The following PAQR5 variants were observed in gnomAD, a reference collection of about 807,000 sequenced individuals.
The protein encoded by PAQR5 is progestin and adipoQ receptor family member 5.
A neutral mutation model predicts 34.5 loss-of-function variants in PAQR5; 20 were observed. That is an observed-to-expected ratio of 0.58 (90% CI 0.41 to 0.84). The LOEUF is 0.84. Ranked by LOEUF, PAQR5 falls within the 40% of genes least tolerant of loss-of-function variation. The pLI is 0.00. For missense variants in PAQR5, 378 were observed against 412.7 expected, an observed-to-expected ratio of 0.92 and a Z score of 0.73; for synonymous variants, 131 against 155.6, an observed-to-expected ratio of 0.84 and a Z score of 1.18.
intron 1 of PAQR5, among the ~76,000 whole-genome samples, chr15:69,303,817 C>T (rs963548871): frequency 4.6e-5 from 7 of 152,194 alleles, no homozygotes; most frequent in Non-Finnish European, 7.3e-5. Context: ...GTGCTCAGCA[C>T]GCCCCCCACA....
chr15:69,387,631 T>C (rs1405630612), intron 5 of PAQR5, among the ~76,000 whole-genome samples: 1 of 152,176 alleles, frequency 6.6e-6, no homozygotes, highest in Non-Finnish European at 1.5e-5. Context: ...AGTGAGGCAC[T>C]GTGGAGGTAA....
At chr15:69,342,671 G>C (rs1188418264) in intron 2 of PAQR5, among the ~76,000 whole-genome samples, 3 of 152,190 alleles carry the variant, frequency 2.0e-5, no homozygotes, top group Non-Finnish European at 4.4e-5. Context: ...TTCTGGCACA[G>C]TGATGGGATC....
Position 69,403,788 on chromosome 15 carries a change from T to C in PAQR5, c.959T>C (p.Ile320Thr), listed in dbSNP as rs1420831523. Residue 320 changes from isoleucine (I) to threonine (T), a missense_variant, in exon 9 of 9, where the codon ATT (isoleucine) becomes ACT (threonine). Transcript: ENST00000395407. ...IIYFSAALYRIPKPELHKKET is the reference protein window; with the variant it reads ...IIYFSAALYRTPKPELHKKET ...TATTTCTCAGCTGCTCTGTATCGGA[T>C]TCCCAAGCCAGAATTACATAAAAAA... 2 of 1,614,046 alleles carry C rather than the reference T, an allele frequency of 1.2e-6. No homozygotes were observed. The highest frequency in any genetic ancestry group is 1.1e-5 in the South Asian group (1 of 91,088).
chr15:69,338,589 C>T (rs1218009949), intron 2 of PAQR5, among the ~76,000 whole-genome samples: 1 of 152,192 alleles, frequency 6.6e-6, no homozygotes, highest in Non-Finnish European at 1.5e-5. Context: ...CCACAATGTC[C>T]CTTGTCAGCA....
At chr15:69,349,304 T>C (rs1321156615) in intron 2 of PAQR5, among the ~76,000 whole-genome samples, 2 of 152,146 alleles carry the variant, frequency 1.3e-5, no homozygotes, top group Non-Finnish European at 2.9e-5. Context: ...TCCACTTTGC[T>C]TCTAGACCTG....
At chr15:69,346,241 T>C (rs1343241387) in intron 2 of PAQR5, among the ~76,000 whole-genome samples, 1 of 149,444 alleles carries the variant, frequency 6.7e-6, no homozygotes, top group African/African-American at 2.5e-5. Context: ...ATTAAACACA[T>C]AGGAATCAGT....
At chr15:69,310,465 T>C (rs879719499) in intron 1 of PAQR5, among the ~76,000 whole-genome samples, 1 of 152,212 alleles carries the variant, frequency 6.6e-6, no homozygotes, top group Admixed American at 6.5e-5. Flanking sequence ...TTTATTGATA[T>C]AGTTTAACCT....
intron 5 of PAQR5, among the ~76,000 whole-genome samples, chr15:69,387,138 CCTT>C (rs969700626): frequency 6.6e-6 from 1 of 152,234 alleles, no homozygotes; most frequent in Non-Finnish European, 1.5e-5. Flanking sequence ...TTCCACAACA[CCTT>C]CTACCACATC....
At chr15:69,304,338 G>A (rs12440717) in intron 1 of PAQR5, among the ~76,000 whole-genome samples, 12,876 of 152,238 alleles carry the variant, frequency 0.085, 1,040 homozygotes, top group African/African-American at 0.21. Context: ...GCAACATGAC[G>A]TGAGTCAGTT....
At chr15:69,349,629 A>G (rs1017321394) in intron 2 of PAQR5, among the ~76,000 whole-genome samples, 17 of 147,800 alleles carry the variant, frequency 1.2e-4, no homozygotes, top group Non-Finnish European at 1.5e-5. Context: ...GATCTCCCTT[A>G]GTTTATTTTT....
chr15:69,394,544 T>A (rs2056360827), intron 6 of PAQR5, among the ~76,000 whole-genome samples: 2 of 152,262 alleles, frequency 1.3e-5, no homozygotes, highest in African/African-American at 4.8e-5. Context: ...GAATTCCAGT[T>A]GCCAATCCTT....
chr15:69,307,035 TG>T (rs2053733146), intron 1 of PAQR5, among the ~76,000 whole-genome samples: 1 of 152,182 alleles, frequency 6.6e-6, no homozygotes, highest in African/African-American at 2.4e-5. Context: ...ATCCATGTTG[TG>T]GCATGTGACA....
chr15:69,359,979 C>A lies in PAQR5; in HGVS notation c.-102C>A, dbSNP rs764195926. ...GTCCTCTTTCAGGGAAGCGGCACAG[C>A]ACCAGCTAGGCAGAGACGCCCCAGG... On this transcript the variant is annotated 5_prime_UTR_variant, in exon 3 of 9. Transcript: ENST00000395407. 13 of 866,298 alleles carry A rather than the reference C, an allele frequency of 1.5e-5. 1 individual carries two copies. The highest frequency in any genetic ancestry group is 2.5e-5 in the Non-Finnish European group (13 of 518,492). 53.7% of individuals were successfully genotyped at this position (866,298 alleles called of 1,614,324 possible). A position where few individuals can be genotyped will look rare whatever the true frequency, so the allele number is the denominator to read the frequency against.
At chr15:69,310,908 G>A (rs28712370) in intron 1 of PAQR5, among the ~76,000 whole-genome samples, 8,139 of 151,242 alleles carry the variant, frequency 0.054, 688 homozygotes, top group African/African-American at 0.19. Context: ...GTGTGGTGGC[G>A]GGCGCCTGTA....
At chr15:69,346,818 A>T (rs28457083) in intron 2 of PAQR5, among the ~76,000 whole-genome samples, 1 of 96,232 alleles carries the variant, frequency 1.0e-5, no homozygotes, top group East Asian at 2.7e-4. Flanking sequence ...TTATTTATTT[A>T]TTTTTATTTT....
chr15:69,380,107 G>C (rs1204106393), intron 4 of PAQR5, 97 bp downstream of exon 4: 1 of 1,396,356 alleles, frequency 7.2e-7, no homozygotes, highest in Admixed American at 1.9e-5. Flanking sequence ...CTGAGATTCT[G>C]TGCTGGGGTT....
At chr15:69,310,837 G>C (rs2053813528) in intron 1 of PAQR5, among the ~76,000 whole-genome samples, 1 of 151,822 alleles carries the variant, frequency 6.6e-6, no homozygotes, top group Non-Finnish European at 1.5e-5. Flanking sequence ...AGGAGATCAA[G>C]ACCATCCTGG....
At chr15:69,401,515 C>T (rs1158545245) in intron 8 of PAQR5, among the ~76,000 whole-genome samples, 2 of 152,312 alleles carry the variant, frequency 1.3e-5, no homozygotes, top group East Asian at 1.9e-4. Flanking sequence ...TCCCCAGCCC[C>T]GCTTAATGAA....
Position 69,403,819 on chromosome 15 carries a change from A to G in PAQR5, c.990A>G (p.Thr330=). ...AGCCAGAATTACATAAAAAAGAAAC[A>G]TGACTCAGACCATAAGCTTTTCATG... ...IPKPELHKKE[T] is the part of the protein sequence containing the mutation. The change falls in exon 9 of 9, where the codon ACA becomes ACG. Residue 330 remains threonine (T), a synonymous_variant. Coordinates refer to ENST00000395407, the MANE Select transcript of PAQR5 (RefSeq NM_017705.4). 1 of 1,613,666 alleles carries G rather than the reference A, an allele frequency of 6.2e-7. No individual in the cohort carries two copies. Among genetic ancestry groups the G allele is most frequent in the Non-Finnish European group, 8.5e-7 (1 of 1,179,958 alleles).
Sources: allele counts gnomAD v4.1 joint callset (sites outside exome capture counted in the v4.1 genomes callset), GRCh38; gene constraint gnomAD v4.1.1; transcripts MANE v1.5; gene names NCBI Gene and HGNC (gene_info 2026-07-23, HGNC 2026-07-21).